CNKSR3: variants seen among roughly 807,000 people sequenced by gnomAD.
CNKSR3 encodes the protein CNKSR family member 3, also known as connector enhancer of kinase suppressor of ras 3.
A neutral mutation model predicts 67.7 loss-of-function variants in CNKSR3; 36 were observed. The observed-to-expected ratio is 0.53, with a 90% CI of 0.41 to 0.70. The LOEUF is 0.70. Among genes scored for constraint, CNKSR3 ranks in the 30% least tolerant of loss-of-function variants. The probability of loss-of-function intolerance (pLI) is 0.00; values close to 1 mark genes in which losing one functional copy is unlikely to be tolerated. For missense variants in CNKSR3, 630 were observed against 695.2 expected, an observed-to-expected ratio of 0.91 and a Z score of 1.05; for synonymous variants, 281 against 271.4, an observed-to-expected ratio of 1.04 and a Z score of -0.35.
intron 1 of CNKSR3, among the ~76,000 whole-genome samples, chr6:154,475,975 T>G (rs1408640452): frequency 2.0e-5 from 3 of 152,054 alleles, no homozygotes; most frequent in Non-Finnish European, 4.4e-5. Flanking sequence ...CTTGGGGGTG[T>G]TGTTTTTACC....
At chr6:154,506,669 A>G (rs1045932160) in intron 1 of CNKSR3, among the ~76,000 whole-genome samples, 1 of 152,258 alleles carries the variant, frequency 6.6e-6, no homozygotes, top group Non-Finnish European at 1.5e-5. Context: ...TGGCAGCGCC[A>G]TGGAACCCCA....
At chr6:154,423,626 C>G (rs942466731) in intron 7 of CNKSR3, among the ~76,000 whole-genome samples, 1 of 152,168 alleles carries the variant, frequency 6.6e-6, no homozygotes, top group African/African-American at 2.4e-5. Context: ...TTACACATAT[C>G]CTTATCAAAA....
rs945023939 is a variant in CNKSR3 at position 154,393,912 on chromosome 6, G to T, written c.*12442C>A. The T allele has an allele frequency of 1.3e-5, 2 of 152,228 alleles. No homozygotes were observed. The highest frequency in any genetic ancestry group is 4.8e-5 in the African/African-American group (2 of 41,460). 9.4% of individuals were successfully genotyped at this position (152,228 alleles called of 1,614,324 possible). On this transcript the variant is annotated 3_prime_UTR_variant, in exon 13 of 13. Transcript: ENST00000607772. ...TGAGTATTAATATTAGAAAAGAGTT[G>T]TAAATTAATAAGCTAAATATCCAAC...
intron 1 of CNKSR3, among the ~76,000 whole-genome samples, 177 bp downstream of exon 1, chr6:154,509,886 C>A (rs1306931516): frequency 6.6e-6 from 1 of 152,182 alleles, no homozygotes; most frequent in East Asian, 1.9e-4. Flanking sequence ...AGGAAGAGCT[C>A]GGAGCAGGTA....
intron 1 of CNKSR3, among the ~76,000 whole-genome samples, chr6:154,489,531 A>AAAACAAAC (rs34366789): frequency 1.3e-3 from 189 of 150,942 alleles, no homozygotes; most frequent in African/African-American, 3.8e-3. Context: ...AGTCCATCTC[A>AAAACAAAC]AAACAAACAA....
chr6:154,400,738 TG>T lies in CNKSR3; in HGVS notation c.*5615del, dbSNP rs974734906. ...GGCCCTCTAGCAGGTCTGAACATGA[TG>T]TAATCACTTTTTCCTTTACTTATGT... On this transcript the variant is annotated 3_prime_UTR_variant, in exon 13 of 13. Coordinates refer to ENST00000607772, the MANE Select transcript of CNKSR3 (RefSeq NM_173515.4). 2.6e-5 allele frequency: 4 copies of T among 152,228 alleles called. No homozygotes were observed. The highest frequency in any genetic ancestry group is 5.9e-5 in the Non-Finnish European group (4 of 68,046). 9.4% of individuals were successfully genotyped at this position (152,228 alleles called of 1,614,324 possible).
At chr6:154,410,211 A>C in intron 12 of CNKSR3, 132 bp downstream of exon 12, 2 of 595,750 alleles carry the variant, frequency 3.4e-6, no homozygotes, top group Non-Finnish European at 5.9e-6. Flanking sequence ...TTTACAGATG[A>C]GAAAACGGGA....
chr6:154,398,581 T>C lies in CNKSR3; in HGVS notation c.*7773A>G, dbSNP rs574732327. 1 of 152,328 alleles carries C rather than the reference T, an allele frequency of 6.6e-6. No homozygotes were observed. Among genetic ancestry groups the C allele is most frequent in the East Asian group, 1.9e-4 (1 of 5,178 alleles). The allele number at this position is 152,328 out of a possible 1,614,324, so 9.4% of individuals were successfully genotyped here. A position where few individuals can be genotyped will look rare whatever the true frequency, so the allele number is the denominator to read the frequency against. The stretch of plus-strand genomic sequence containing the variant: ...GTCCAAAATAGATACCATTCTACAT[T>C]ATTCCTTTATTTAAAACCACAGGAA... On this transcript the variant is annotated 3_prime_UTR_variant, in exon 13 of 13. Transcript: ENST00000607772.
At chr6:154,468,577 C>G (rs1331592580) in intron 1 of CNKSR3, among the ~76,000 whole-genome samples, 1 of 152,130 alleles carries the variant, frequency 6.6e-6, no homozygotes, top group Non-Finnish European at 1.5e-5. Context: ...GTCACCTCCT[C>G]TAAAACATCT....
chr6:154,433,659 G>A (rs983828356), intron 4 of CNKSR3, 152 bp from the exon 5 acceptor site: 8 of 622,782 alleles, frequency 1.3e-5, no homozygotes, highest in Non-Finnish European at 2.3e-5. Flanking sequence ...GGATGGGAAT[G>A]AGAGGGCAGA....
chr6:154,397,329 T>G lies in CNKSR3; in HGVS notation c.*9025A>C, dbSNP rs1400066751. On this transcript the variant is annotated 3_prime_UTR_variant, in exon 13 of 13. Coordinates refer to ENST00000607772, the MANE Select transcript of CNKSR3 (RefSeq NM_173515.4). ...TTAGCTTACATGTTCTTCCATTTATTTAAGTGCCTTAAAAACAAAAGGAGA... is the reference window on the plus strand; with the variant it reads ...TTAGCTTACATGTTCTTCCATTTATGTAAGTGCCTTAAAAACAAAAGGAGA... 1 of 152,236 alleles carries G rather than the reference T, an allele frequency of 6.6e-6. No homozygotes were observed. The highest frequency in any genetic ancestry group is 1.5e-5 in the Non-Finnish European group (1 of 68,044). 9.4% of individuals were successfully genotyped at this position (152,236 alleles called of 1,614,324 possible).
intron 1 of CNKSR3, among the ~76,000 whole-genome samples, chr6:154,488,568 T>C (rs1249291049): frequency 6.6e-6 from 1 of 152,186 alleles, no homozygotes; most frequent in Non-Finnish European, 1.5e-5. Context: ...GGAAATATTT[T>C]TTCAATATTC....
intron 7 of CNKSR3, among the ~76,000 whole-genome samples, chr6:154,424,184 T>G (rs1785205241): frequency 7.2e-6 from 1 of 139,672 alleles, no homozygotes; most frequent in Non-Finnish European, 1.5e-5. Flanking sequence ...TGAGCCGAGA[T>G]CGCGCCACTG....
At chr6:154,494,886 AG>A (rs112399926) in intron 1 of CNKSR3, among the ~76,000 whole-genome samples, 20,030 of 152,200 alleles carry the variant, frequency 0.13, 1,555 homozygotes, top group African/African-American at 0.22. Context: ...TATCTCTCCA[AG>A]CACTGGCCAA....
chr6:154,393,257 C>T lies in CNKSR3; in HGVS notation c.*13097G>A, dbSNP rs1271061909. 6.6e-6 allele frequency: 1 copy of T among 152,302 alleles called. No individual in the cohort carries two copies. The highest frequency in any genetic ancestry group is 1.9e-4 in the East Asian group (1 of 5,192). The allele number at this position is 152,302 out of a possible 1,614,324, so 9.4% of individuals were successfully genotyped here. On this transcript the variant is annotated 3_prime_UTR_variant, in exon 13 of 13. Coordinates refer to ENST00000607772, the MANE Select transcript of CNKSR3 (RefSeq NM_173515.4). ...CCAGGATATATATCTAGGAATGAAACTGCTGAGTCATAGGGTATGTGAATA... is the reference window on the plus strand; with the variant it reads ...CCAGGATATATATCTAGGAATGAAATTGCTGAGTCATAGGGTATGTGAATA...
At chr6:154,470,188 C>CTTTTTTTTTTTTT (rs869154714) in intron 1 of CNKSR3, among the ~76,000 whole-genome samples, 4 of 68,752 alleles carry the variant, frequency 5.8e-5, no homozygotes, top group East Asian at 4.8e-4. Flanking sequence ...ACTTTCTTTC[C>CTTTTTTTTTTTTT]TTTTTTTTTT....
chr6:154,485,357 A>G (rs1441295858), intron 1 of CNKSR3, among the ~76,000 whole-genome samples: 1 of 152,230 alleles, frequency 6.6e-6, no homozygotes, highest in Admixed American at 6.5e-5. Flanking sequence ...TTTGGCGCAT[A>G]CAGAATTTTC....
intron 9 of CNKSR3, among the ~76,000 whole-genome samples, chr6:154,417,881 A>C (rs1198333035): frequency 6.6e-6 from 1 of 152,126 alleles, no homozygotes; most frequent in Non-Finnish European, 1.5e-5. Context: ...TAGAGGTATT[A>C]ATGTAAAAGC....
chr6:154,491,142 C>G (rs529925155), intron 1 of CNKSR3, among the ~76,000 whole-genome samples: 1 of 152,280 alleles, frequency 6.6e-6, no homozygotes, highest in Non-Finnish European at 1.5e-5. Context: ...CCACCGCGCC[C>G]GGCCCAGGTC....
Sources: gnomAD v4.1 joint callset for allele counts (sites outside exome capture counted in the v4.1 genomes callset) on GRCh38, gnomAD v4.1.1 for gene constraint, MANE v1.5 for transcripts, NCBI Gene and HGNC (gene_info 2026-07-23, HGNC 2026-07-21) for gene names.